PHKA2: variants seen among roughly 807,000 people sequenced by gnomAD.
PHKA2 encodes the protein phosphorylase b kinase regulatory subunit alpha, liver isoform.
PHKA2 carries 31 observed loss-of-function variants against 102.0 expected under a neutral mutation model. The observed-to-expected ratio is 0.30, with a 90% CI of 0.23 to 0.41. The LOEUF is 0.41. Among genes scored for constraint, PHKA2 ranks in the 10% least tolerant of loss-of-function variants. PHKA2 has a pLI of 1.00. For synonymous variants in PHKA2, 455 were observed against 416.2 expected (o/e 1.09, Z -1.13); for missense variants, 858 against 1,023.1 (o/e 0.84, Z 2.20).
At chrX:18,914,761 G>A (rs2047991488) in intron 19 of PHKA2, among the ~76,000 whole-genome samples, 1 of 111,901 alleles carries the variant, frequency 8.9e-6, no homozygotes, top group African/African-American at 3.3e-5. Context: ...ATAGCTCCAG[G>A]CAACCAGGCC....
At chrX:18,897,872 C>A (rs1177611467) in intron 29 of PHKA2, 1 of 117,638 alleles carries the variant, frequency 8.5e-6, no homozygotes, top group Non-Finnish European at 1.8e-5. Context: ...CCGCACGTGG[C>A]GCCTGTGCCA....
intron 1 of PHKA2, among the ~76,000 whole-genome samples, chrX:18,978,181 T>C: frequency 9.1e-6 from 1 of 109,814 alleles, no homozygotes; most frequent in Middle Eastern, 4.7e-3. Context: ...AATAATAATT[T>C]CTATTATCTG....
intron 29 of PHKA2, among the ~76,000 whole-genome samples, chrX:18,898,812 A>T (rs768388488): frequency 2.7e-5 from 3 of 112,124 alleles, no homozygotes; most frequent in Non-Finnish European, 5.6e-5. Flanking sequence ...GCAGGTGCAG[A>T]GTGCTAGTTG....
At chrX:18,947,714 A>T (rs1422232172) in intron 5 of PHKA2, among the ~76,000 whole-genome samples, 1 of 112,802 alleles carries the variant, frequency 8.9e-6, no homozygotes, top group Admixed American at 9.4e-5. Context: ...GCATGTTTAT[A>T]GCAGCACAAT....
Position 18,961,170 on chromosome X carries a change from TG to T in PHKA2, c.79-6759del, listed in dbSNP as rs780965634. On this transcript the variant is annotated intron_variant, in intron 1 of 32. Coordinates refer to ENST00000379942, the MANE Select transcript of PHKA2 (RefSeq NM_000292.3). ...TCCTAAAGGCAAAGCCTATCTTTTT[TG>T]TTTACCACTCTAGCGCAAGGTCCTG... Among the ~76,000 whole-genome samples the T allele has an allele frequency of 6.0e-4, 68 of 112,452 alleles. 1 individual carries two copies. The highest frequency in any genetic ancestry group is 2.0e-3 in the African/African-American group (63 of 30,953).
chrX:18,909,942 AG>A (rs1451275885), intron 20 of PHKA2, among the ~76,000 whole-genome samples: 1 of 112,410 alleles, frequency 8.9e-6, no homozygotes, highest in African/African-American at 3.2e-5. Flanking sequence ...AAACGCAAAA[AG>A]GATGTAAACA....
chrX:18,922,586 A>AT (rs2048141337), intron 17 of PHKA2, among the ~76,000 whole-genome samples: 1 of 111,214 alleles, frequency 9.0e-6, no homozygotes, highest in African/African-American at 3.3e-5. Context: ...CTTTGGGGAC[A>AT]TCATGTGAAA....
chrX:18,929,328 C>G (rs767364033), intron 12 of PHKA2, 22 bp from the exon 13 acceptor site: 1 of 1,017,999 alleles, frequency 9.8e-7, no homozygotes, highest in East Asian at 3.3e-5. Context: ...GGAGCATTAA[C>G]ACTATGAAAT....
chrX:18,975,363 A>AAGATGG (rs1254925920), intron 1 of PHKA2, among the ~76,000 whole-genome samples: 1 of 111,813 alleles, frequency 8.9e-6, no homozygotes, highest in Admixed American at 9.5e-5. Context: ...GCTGCCATCC[A>AAGATGG]CATAAGATGT....
At chrX:18,928,268 C>T (rs976170624) in intron 13 of PHKA2, among the ~76,000 whole-genome samples, 2 of 111,176 alleles carry the variant, frequency 1.8e-5, no homozygotes, top group African/African-American at 6.6e-5. Flanking sequence ...TCAAACTTTA[C>T]CTAATCAGAA....
At chrX:18,922,464 G>T (rs1159426514) in intron 17 of PHKA2, among the ~76,000 whole-genome samples, 6 of 111,209 alleles carry the variant, frequency 5.4e-5, no homozygotes, top group Non-Finnish European at 1.1e-4. Flanking sequence ...TTGGATCAAG[G>T]GCCACTTCAA....
At chrX:18,954,916 T>A (rs909187020) in intron 1 of PHKA2, among the ~76,000 whole-genome samples, 7 of 112,047 alleles carry the variant, frequency 6.2e-5, no homozygotes, top group Non-Finnish European at 1.1e-4. Flanking sequence ...TCCAGATACT[T>A]CATGTGCCTA....
At chrX:18,953,100 C>T (rs1418342600) in intron 2 of PHKA2, among the ~76,000 whole-genome samples, 2 of 112,215 alleles carry the variant, frequency 1.8e-5, no homozygotes, top group Admixed American at 9.4e-5. Flanking sequence ...ATGTCACAGA[C>T]GATCCACTGA....
intron 4 of PHKA2, 45 bp from the exon 5 acceptor site, chrX:18,948,871 G>T: frequency 1.2e-6 from 1 of 853,493 alleles, no homozygotes; most frequent in South Asian, 2.0e-5. Context: ...GTTGCAGAGA[G>T]CTGCCAGTCA....
chrX:18,896,677 C>G, intron 30 of PHKA2: 1 of 179,041 alleles, frequency 5.6e-6, no homozygotes, highest in Non-Finnish European at 1.1e-5. Flanking sequence ...ACTCCAGGCC[C>G]CTCCTGAACT....
chrX:18,897,122 G>C, intron 30 of PHKA2, 41 bp downstream of exon 30: 1 of 1,196,435 alleles, frequency 8.4e-7, no homozygotes, highest in East Asian at 3.0e-5. Flanking sequence ...AGGACAGTAA[G>C]GGGACGGTTC....
rs186544218 is a variant in PHKA2 at position 18,904,517 on chromosome X, G to C, written c.2908+1241C>G. 5.3e-5 allele frequency among the ~76,000 whole-genome samples: 6 copies of C among 112,514 alleles called. No individual in the cohort carries two copies. The Admixed American group carries it at 5.6e-4, about 11-fold the overall frequency. On this transcript the variant is annotated intron_variant, in intron 26 of 32. Transcript: ENST00000379942. ...CTGTACATCTAATGACAAATTTTTA[G>C]TAATTATCTGTGTCAAGCCATGAAT...
intron 12 of PHKA2, among the ~76,000 whole-genome samples, chrX:18,930,857 C>T (rs962824613): frequency 1.8e-5 from 2 of 110,379 alleles, no homozygotes; most frequent in Admixed American, 9.6e-5. Context: ...TCTAGGAACC[C>T]GGTGGCATGC....
rs2047579398 is a variant in PHKA2 at position 18,897,207 on chromosome X, C to T, written c.3238G>A (p.Val1080Ile). The T allele has an allele frequency of 8.3e-7, 1 of 1,209,786 alleles. No homozygotes were observed. Among genetic ancestry groups the T allele is most frequent in the Admixed American group, 2.2e-5 (1 of 45,812 alleles). The change falls in exon 30 of 33, where the codon GTC (valine) becomes ATC (isoleucine). Residue 1080 changes from valine to isoleucine, a missense_variant. Val to Ile is a conservative substitution (Grantham distance 29). Coordinates refer to ENST00000379942, the MANE Select transcript of PHKA2 (RefSeq NM_000292.3). ...ACCCTCTGGTAGAATCCCACGGGGACCCTGTTGATGGCCCCATCCAGCCTT... is the reference window on the plus strand; with the variant it reads ...ACCCTCTGGTAGAATCCCACGGGGATCCTGTTGATGGCCCCATCCAGCCTT... ...RRRLDGAINR[V>I]PVGFYQRVWK...
Sources: allele counts gnomAD v4.1 joint callset (sites outside exome capture counted in the v4.1 genomes callset), GRCh38; gene constraint gnomAD v4.1.1; transcripts MANE v1.5; gene names NCBI Gene and HGNC (gene_info 2026-07-23, HGNC 2026-07-21).